Variants in SUMF1 observed in about 807,000 individuals in gnomAD.
The protein encoded by SUMF1 is sulfatase modifying factor 1.
SUMF1 carries 48 observed loss-of-function variants against 47.6 expected under a neutral mutation model. The ratio of observed to expected loss-of-function variants is 1.01; its 90% CI spans 0.80 to 1.28. The LOEUF (loss-of-function observed/expected upper bound fraction) is 1.28. Among genes scored for constraint, SUMF1 ranks in the 50% most tolerant of loss-of-function variants. The pLI is 0.00. For synonymous variants in SUMF1, 230 were observed against 192.1 expected (o/e 1.20, Z -1.63); for missense variants, 571 against 485.4 (o/e 1.18, Z -1.66).
chr3:4,038,164 G>C (rs1479920371), intron 9 of SUMF1, among the ~76,000 whole-genome samples: 1 of 152,216 alleles, frequency 6.6e-6, no homozygotes, highest in East Asian at 1.9e-4. Flanking sequence ...AGGCAGCAGA[G>C]GAAGAGGCCT....
chr3:4,410,143 A>G (rs1701495439), intron 7 of SUMF1, among the ~76,000 whole-genome samples: 1 of 152,308 alleles, frequency 6.6e-6, no homozygotes, highest in African/African-American at 2.4e-5. Context: ...ACCATAAAAA[A>G]TATTCAGAGA....
At chr3:4,157,264 TG>T (rs1342352842) in intron 8 of SUMF1, among the ~76,000 whole-genome samples, 5 of 151,564 alleles carry the variant, frequency 3.3e-5, no homozygotes. Flanking sequence ...TTAGATGTGC[TG>T]GTCATGTTCC....
Position 4,159,714 on chromosome 3 carries a change from G to A in SUMF1, c.1015-90969C>T, listed in dbSNP as rs113323027. Among the ~76,000 whole-genome samples, 295 of 152,140 alleles carry A rather than the reference G, an allele frequency of 1.9e-3. 1 individual carries two copies. The highest frequency in any genetic ancestry group is 2.8e-3 in the Non-Finnish European group (193 of 67,976). On this transcript the variant is annotated intron_variant and NMD_transcript_variant, in intron 8 of 12. Coordinates refer to the SUMF1 transcript ENST00000448413. ...AACCCTTTTCAGATTAAGGAACTGCGTTTTAGCATTTCTTATAGGACAGAC... is the reference window on the plus strand; with the variant it reads ...AACCCTTTTCAGATTAAGGAACTGCATTTTAGCATTTCTTATAGGACAGAC...
intron 3 of SUMF1, among the ~76,000 whole-genome samples, chr3:4,445,038 G>A (rs543988116): frequency 1.6e-4 from 24 of 152,194 alleles, no homozygotes; most frequent in African/African-American, 5.1e-4. Context: ...GATGGGAATC[G>A]GTAATGACCA....
At chr3:4,330,197 C>T (rs1189078381) in intron 8 of SUMF1, among the ~76,000 whole-genome samples, 2 of 152,174 alleles carry the variant, frequency 1.3e-5, no homozygotes, top group Non-Finnish European at 2.9e-5. Context: ...TTCTTCTGAC[C>T]TCTCCAAACT....
chr3:4,347,782 T>C (rs1452595969), intron 8 of SUMF1, among the ~76,000 whole-genome samples: 2 of 152,180 alleles, frequency 1.3e-5, no homozygotes. Flanking sequence ...TTTAGAAAAC[T>C]GCATCATCTC....
At chr3:4,146,361 T>C (rs1694192636) in intron 8 of SUMF1, among the ~76,000 whole-genome samples, 1 of 151,400 alleles carries the variant, frequency 6.6e-6, no homozygotes, top group Non-Finnish European at 1.5e-5. Context: ...AGCCACAGTC[T>C]AAAAAAAGAT....
rs568679958 is a variant in SUMF1, at chr3:4,203,090, G to A, written c.1015-134345C>T. 7.9e-5 allele frequency among the ~76,000 whole-genome samples: 12 copies of A among 151,870 alleles called. 1 individual carries two copies. The highest frequency in any genetic ancestry group is 2.6e-4 in the Admixed American group (4 of 15,232). ...GGATGAAATGTTCTGTAAATATCAA[G>A]TATCAAATAGACCATTTGGTCTGTA... is the stretch of plus-strand genomic sequence containing the variant. On this transcript the variant is annotated intron_variant and NMD_transcript_variant, in intron 8 of 12. Transcript: ENST00000448413.
intron 8 of SUMF1, among the ~76,000 whole-genome samples, chr3:4,291,323 G>C (rs73119322): frequency 1.3e-5 from 2 of 151,818 alleles, no homozygotes; most frequent in African/African-American, 4.8e-5. Flanking sequence ...AGATATTTTC[G>C]CTTGCCCTGA....
intron 8 of SUMF1, among the ~76,000 whole-genome samples, chr3:4,203,775 G>T (rs1695591225): frequency 6.7e-6 from 1 of 149,900 alleles, no homozygotes. Flanking sequence ...TTTTATTTGA[G>T]GTTACCATGA....
intron 8 of SUMF1, 46 bp downstream of exon 8, chr3:4,376,284 T>G: frequency 6.2e-7 from 1 of 1,607,038 alleles, no homozygotes; most frequent in Non-Finnish European, 8.5e-7. Flanking sequence ...TCCATAAAAC[T>G]GCTATCAGAA....
intron 8 of SUMF1, among the ~76,000 whole-genome samples, chr3:4,141,493 T>C (rs773700221): frequency 6.6e-6 from 1 of 152,052 alleles, no homozygotes; most frequent in African/African-American, 2.4e-5. Context: ...AAAATCCGAC[T>C]TATTCATCAA....
At chr3:4,226,971 G>A (rs561700044) in intron 8 of SUMF1, among the ~76,000 whole-genome samples, 2 of 152,216 alleles carry the variant, frequency 1.3e-5, no homozygotes, top group African/African-American at 4.8e-5. Context: ...CATCCTCAGA[G>A]TTTCTGATTC....
chr3:4,217,528 A>ATAATATATAT, intron 8 of SUMF1, among the ~76,000 whole-genome samples: 1 of 96,216 alleles, frequency 1.0e-5, no homozygotes, highest in Admixed American at 1.3e-4. Flanking sequence ...ATATATATAT[A>ATAATATATAT]TATATATATA....
chr3:4,211,022 T>G (rs1054007220), intron 8 of SUMF1, among the ~76,000 whole-genome samples: 26 of 150,028 alleles, frequency 1.7e-4, no homozygotes, highest in African/African-American at 6.1e-4. Context: ...GGACTCAGAC[T>G]GGTTTCCTTG....
chr3:4,359,075 A>G (rs77833046), downstream of SUMF1, among the ~76,000 whole-genome samples: 3,612 of 152,304 alleles, frequency 0.024, 64 homozygotes, highest in Middle Eastern at 0.044. Context: ...TTTGTGTACA[A>G]TGTCACAGAA....
chr3:4,418,581 C>T (rs760611155), intron 4 of SUMF1, among the ~76,000 whole-genome samples: 18 of 152,234 alleles, frequency 1.2e-4, no homozygotes, highest in Non-Finnish European at 2.4e-4. Context: ...GGGCCATATA[C>T]ACCCTAGAGG....
At chr3:4,039,208 A>ATTTTTTTTTTTTTTTTTTTTTTT (rs1213784165) in intron 9 of SUMF1, among the ~76,000 whole-genome samples, 3 of 46,182 alleles carry the variant, frequency 6.5e-5, no homozygotes, top group East Asian at 1.0e-3. Context: ...CATCTATGCA[A>ATTTTTTTTTTTTTTTTTTTTTTT]ATTTTTTTTT....
At position 4,150,349 on chromosome 3, in the gene SUMF1, C is replaced by T. The variant is rs537688994; in HGVS notation, c.1015-81604G>A. On this transcript the variant is annotated intron_variant and NMD_transcript_variant, in intron 8 of 12. Coordinates refer to the SUMF1 transcript ENST00000448413. ...GGCCGAGGCAGGTGGATTGCCTGAG[C>T]TCAGGAGTTTGCGACCAGCCTGGGC... is the stretch of plus-strand genomic sequence containing the variant. Among the ~76,000 whole-genome samples the T allele has an allele frequency of 2.2e-4, 33 of 151,586 alleles. 1 individual carries two copies. Among genetic ancestry groups the T allele is most frequent in the African/African-American group, 8.1e-4 (33 of 40,938 alleles).
Sources: gnomAD v4.1 joint callset for allele counts (sites outside exome capture counted in the v4.1 genomes callset) on GRCh38, gnomAD v4.1.1 for gene constraint, MANE v1.5 for transcripts, NCBI Gene and HGNC (gene_info 2026-07-23, HGNC 2026-07-21) for gene names.